The following GGT1 variants were observed in gnomAD, a reference collection of about 807,000 sequenced individuals.
GGT1 encodes the protein gamma-glutamyltransferase 1.
Under a neutral mutation model 56.0 loss-of-function variants are expected in GGT1, and 21 were observed. The ratio of observed to expected loss-of-function variants is 0.38; its 90% CI spans 0.27 to 0.54. The LOEUF (loss-of-function observed/expected upper bound fraction) is 0.54. Ranked by LOEUF, GGT1 falls within the 20% of genes least tolerant of loss-of-function variation. The pLI, the probability that GGT1 is intolerant of heterozygous loss-of-function variation, is 0.82. For missense variants in GGT1, 466 were observed against 787.0 expected (o/e 0.59, Z 4.88); for synonymous variants, 238 against 342.6 (o/e 0.69, Z 3.37).
intron 5 of GGT1, among the ~76,000 whole-genome samples, chr22:24,614,402 G>A (rs7511507): frequency 7.0e-6 from 1 of 142,866 alleles, no homozygotes; most frequent in African/African-American, 2.6e-5. Flanking sequence ...CGGATCATGA[G>A]GTCAAGAGAT....
chr22:24,585,913 G>T, the GGT1 span: 1 of 1,600,852 alleles, frequency 6.2e-7, no homozygotes. Context: ...CCTGGGGCTC[G>T]GGTCCCAGCC....
upstream of GGT1, among the ~76,000 whole-genome samples, chr22:24,602,026 C>G (rs9624509): frequency 0.022 from 3,295 of 149,898 alleles, 124 homozygotes; most frequent in African/African-American, 0.077. Context: ...GTGACACATT[C>G]ACCAGCCTCC....
At chr22:24,588,426 G>A in the GGT1 span, 1 of 905,918 alleles carries the variant, frequency 1.1e-6, no homozygotes, top group South Asian at 1.5e-5. Flanking sequence ...GTGTGTGTGA[G>A]CACAGTCATG....
At chr22:24,588,407 C>A in the GGT1 span, 1 of 1,140,882 alleles carries the variant, frequency 8.8e-7, no homozygotes, top group Non-Finnish European at 1.3e-6. Context: ...GGGACCCAGG[C>A]AGCCAAGTGT....
chr22:24,608,469 G>A (rs1043772921), intron 2 of GGT1, among the ~76,000 whole-genome samples: 5 of 152,176 alleles, frequency 3.3e-5, no homozygotes, highest in African/African-American at 4.8e-5. Flanking sequence ...CCTGACCGGG[G>A]GCTCAGCTCA....
At chr22:24,612,702 T>A (rs1433115820) in intron 5 of GGT1, among the ~76,000 whole-genome samples, 1 of 152,132 alleles carries the variant, frequency 6.6e-6, no homozygotes, top group Non-Finnish European at 1.5e-5. Context: ...AATTTTTGTA[T>A]TTTTAGTAGA....
chr22:24,605,994 ATAATTTATATAATATAT>A (rs2046272993), intron 1 of GGT1, among the ~76,000 whole-genome samples: 1 of 58,940 alleles, frequency 1.7e-5, no homozygotes, highest in Admixed American at 3.1e-4. Context: ...TTATATTTAT[ATAATTTATATAATATAT>A]CATATATTAT....
chr22:24,594,384 CGTGTGTATGTGTGT>C (rs1484885097), upstream of GGT1, among the ~76,000 whole-genome samples: 43 of 140,082 alleles, frequency 3.1e-4, no homozygotes, highest in Non-Finnish European at 4.4e-4. Context: ...GCCAAGCACC[CGTGTGTATGTGTGT>C]GTGTGTGTGT....
At chr22:24,592,753 G>C, upstream of GGT1, 4 of 1,277,544 alleles carry the variant, frequency 3.1e-6, no homozygotes, top group Non-Finnish European at 4.0e-6. Context: ...GCTCCGCCTC[G>C]CCTCCCGGCG....
chr22:24,605,094 A>AATATGTAATATATTATATAATAT lies in GGT1; in HGVS notation c.-429+1574_-429+1575insATATATTATATAATATATATGTA, dbSNP rs1173751594. On this transcript the variant is annotated intron_variant, in intron 1 of 15. Coordinates refer to ENST00000400382, the MANE Select transcript of GGT1 (RefSeq NM_001288833.2). ...ATATAATATATAAAGTATATTATAT[A>AATATGTAATATATTATATAATAT]ATATGTATTATATTATATATTATAT... 1.3e-3 allele frequency among the ~76,000 whole-genome samples: 21 copies of AATATGTAATATATTATATAATAT among 16,362 alleles called. 8 individuals carry two copies. Among genetic ancestry groups the AATATGTAATATATTATATAATAT allele is most frequent in the Admixed American group, 2.3e-3 (2 of 868 alleles). The allele number at this position is 16,362 out of a possible 152,430, so 10.7% of individuals were successfully genotyped here.
chr22:24,614,168 C>T (rs1029415842), intron 5 of GGT1, among the ~76,000 whole-genome samples: 32 of 151,604 alleles, frequency 2.1e-4, no homozygotes, highest in African/African-American at 7.8e-4. Context: ...ATGATGAAAC[C>T]CCATCTCTAC....
At chr22:24,612,171 C>T (rs1036643653) in intron 5 of GGT1, among the ~76,000 whole-genome samples, 39 of 150,462 alleles carry the variant, frequency 2.6e-4, no homozygotes, top group African/African-American at 9.5e-4. Context: ...AACTCCTGAC[C>T]TCAGGTAATC....
chr22:24,595,591 GGA>G (rs1221668131), intron 1 of GGT1, among the ~76,000 whole-genome samples: 1 of 152,230 alleles, frequency 6.6e-6, no homozygotes, highest in Non-Finnish European at 1.5e-5. Flanking sequence ...CAGTGAGTTG[GGA>G]GGTTGGGGGC....
chr22:24,622,758 A>T (rs564854757), intron 9 of GGT1, among the ~76,000 whole-genome samples: 1 of 152,154 alleles, frequency 6.6e-6, no homozygotes, highest in South Asian at 2.1e-4. Context: ...AAAAAAAGAA[A>T]AGAAAACACT....
chr22:24,595,006 G>GT (rs2045669013), intron 1 of GGT1: 1 of 152,356 alleles, frequency 6.6e-6, no homozygotes, highest in Non-Finnish European at 1.5e-5. Flanking sequence ...CCCCTCAAAT[G>GT]TGAGAATACT....
chr22:24,599,244 A>G (rs1470675850), upstream of GGT1: 2 of 151,952 alleles, frequency 1.3e-5, no homozygotes, highest in African/African-American at 4.8e-5. Context: ...GGGCTTCAGG[A>G]GGAGGTGGCA....
At chr22:24,592,535 T>TCTTAGGTCCAG, upstream of GGT1, 1 of 434,434 alleles carries the variant, frequency 2.3e-6, no homozygotes, top group Middle Eastern at 3.4e-4. Flanking sequence ...GAATTTGGGC[T>TCTTAGGTCCAG]CTTAGGTCCA....
chr22:24,586,387 A>T, the GGT1 span: 2 of 1,613,114 alleles, frequency 1.2e-6, no homozygotes, highest in Non-Finnish European at 1.7e-6. Context: ...CTGCCAGCAG[A>T]GTCTTCTGGA....
chr22:24,593,407 G>A, upstream of GGT1, among the ~76,000 whole-genome samples: 1 of 152,078 alleles, frequency 6.6e-6, no homozygotes, highest in East Asian at 1.9e-4. Context: ...CGGGGTGGGG[G>A]GGTTCTGCTG....
Sources: gnomAD v4.1 joint callset for allele counts (sites outside exome capture counted in the v4.1 genomes callset) on GRCh38, gnomAD v4.1.1 for gene constraint, MANE v1.5 for transcripts, NCBI Gene and HGNC (gene_info 2026-07-23, HGNC 2026-07-21) for gene names.